The following APBB2 variants were observed in gnomAD, a reference collection of about 807,000 sequenced individuals.
APBB2 encodes Fe65-like 1.
A neutral mutation model predicts 82.5 loss-of-function variants in APBB2; 38 were observed. The observed-to-expected ratio is 0.46, with a 90% CI of 0.36 to 0.60. APBB2 has a LOEUF of 0.60. Among genes scored for constraint, APBB2 ranks in the 20% least tolerant of loss-of-function variants. The probability of loss-of-function intolerance (pLI) is 0.00; values close to 1 mark genes in which losing one functional copy is unlikely to be tolerated. For synonymous variants in APBB2, 341 were observed against 368.2 expected, an observed-to-expected ratio of 0.93 and a Z score of 0.85; for missense variants, 772 against 972.3, an observed-to-expected ratio of 0.79 and a Z score of 2.74.
At chr4:40,981,428 T>G (rs1798459214) in intron 6 of APBB2, among the ~76,000 whole-genome samples, 1 of 152,092 alleles carries the variant, frequency 6.6e-6, no homozygotes, top group Non-Finnish European at 1.5e-5. Flanking sequence ...GAATCCAGAA[T>G]GATGTAAAAT....
intron 6 of APBB2, among the ~76,000 whole-genome samples, chr4:40,964,242 G>A (rs144495127): frequency 6.6e-6 from 1 of 152,212 alleles, no homozygotes; most frequent in African/African-American, 2.4e-5. Context: ...TGGTCACCCT[G>A]GAAAAGCTTG....
chr4:41,060,669 T>C (rs1729489751), intron 4 of APBB2, among the ~76,000 whole-genome samples: 1 of 151,880 alleles, frequency 6.6e-6, no homozygotes, highest in Admixed American at 6.6e-5. Context: ...AAGAGGGAGA[T>C]TTAAGAGCTG....
At chr4:40,864,074 T>C (rs569610038) in intron 12 of APBB2, among the ~76,000 whole-genome samples, 18 of 152,002 alleles carry the variant, frequency 1.2e-4, no homozygotes, top group Admixed American at 6.6e-5. Context: ...CTAGCCAACA[T>C]AGTGAAACCC....
intron 1 of APBB2, among the ~76,000 whole-genome samples, chr4:41,151,070 C>A (rs557976851): frequency 9.7e-4 from 148 of 152,302 alleles, no homozygotes; most frequent in African/African-American, 3.4e-3. Context: ...AACATTCTAA[C>A]TCCATACTGC....
At chr4:40,900,756 CT>C (rs71988912) in intron 10 of APBB2, among the ~76,000 whole-genome samples, 525 of 130,030 alleles carry the variant, frequency 4.0e-3, no homozygotes, top group Admixed American at 6.6e-3. Flanking sequence ...TGAGCCCGGG[CT>C]TTTTTTTTTT....
intron 3 of APBB2, among the ~76,000 whole-genome samples, chr4:41,067,724 T>C (rs1228217486): frequency 6.6e-6 from 1 of 152,118 alleles, no homozygotes; most frequent in Non-Finnish European, 1.5e-5. Context: ...AAGAGATGAA[T>C]AAAGATAAAA....
At chr4:41,160,413 T>G (rs2154037996) in intron 1 of APBB2, among the ~76,000 whole-genome samples, 1 of 152,228 alleles carries the variant, frequency 6.6e-6, no homozygotes. Context: ...CGCAGGGAAA[T>G]TTTCTCTCCA....
At chr4:40,870,115 T>G (rs1205132118) in intron 12 of APBB2, among the ~76,000 whole-genome samples, 1 of 152,146 alleles carries the variant, frequency 6.6e-6, no homozygotes, top group Non-Finnish European at 1.5e-5. Flanking sequence ...TGAAATGAAA[T>G]AATCCTTCTA....
chr4:41,005,293 T>G (rs534790697), intron 6 of APBB2, among the ~76,000 whole-genome samples: 1 of 152,164 alleles, frequency 6.6e-6, no homozygotes, highest in Non-Finnish European at 1.5e-5. Context: ...TTTCACCATG[T>G]TGGCCAGGAT....
intron 12 of APBB2, among the ~76,000 whole-genome samples, chr4:40,861,349 CA>C (rs900849102): frequency 3.0e-4 from 43 of 143,888 alleles, no homozygotes; most frequent in Admixed American, 2.8e-4. Context: ...GACTCTGTCT[CA>C]AAAAAAAAAA....
At chr4:41,010,175 T>C (rs1390141305) in intron 6 of APBB2, among the ~76,000 whole-genome samples, 1 of 152,132 alleles carries the variant, frequency 6.6e-6, no homozygotes, top group Non-Finnish European at 1.5e-5. Context: ...GGTGCAGAGA[T>C]CCCAAGTGAA....
At chr4:40,929,165 T>C (rs866911582) in intron 10 of APBB2, among the ~76,000 whole-genome samples, 3 of 152,062 alleles carry the variant, frequency 2.0e-5, no homozygotes, top group Middle Eastern at 3.4e-3. Flanking sequence ...TTTGTAACTT[T>C]GCTGTAAATC....
chr4:41,118,372 C>T (rs1270663983), intron 2 of APBB2, among the ~76,000 whole-genome samples: 2 of 152,276 alleles, frequency 1.3e-5, no homozygotes, highest in South Asian at 2.1e-4. Context: ...GTCTTGACTT[C>T]AATTTCTAAG....
At chr4:40,820,363 T>A (rs1747423920) in intron 17 of APBB2, among the ~76,000 whole-genome samples, 2 of 152,196 alleles carry the variant, frequency 1.3e-5, no homozygotes, top group Non-Finnish European at 2.9e-5. Flanking sequence ...TGCTGGATAC[T>A]CGTCTAAAAT....
rs143426082 is a variant in APBB2, at chr4:41,012,685, T to C, written c.835+898A>G. On this transcript the variant is annotated intron_variant, in intron 6 of 17. Transcript: ENST00000508593. Reference sequence around the variant, plus strand: ...GTGATTTCCTTCCCTGGTGGTTCTATCTATTTTCTTTGTTATATCTATATT... The same window carrying C: ...GTGATTTCCTTCCCTGGTGGTTCTACCTATTTTCTTTGTTATATCTATATT... Among the ~76,000 whole-genome samples the C allele has an allele frequency of 2.8e-3, 420 of 152,324 alleles. 1 individual carries two copies. The highest frequency in any genetic ancestry group is 3.8e-3 in the Non-Finnish European group (258 of 68,022).
At chr4:40,922,531 A>G (rs543657457) in intron 10 of APBB2, among the ~76,000 whole-genome samples, 1 of 152,350 alleles carries the variant, frequency 6.6e-6, no homozygotes, top group South Asian at 2.1e-4. Context: ...GGGCCTCACA[A>G]TTGGATGAGA....
chr4:40,822,226 C>G, intron 16 of APBB2, 176 bp from the exon 17 acceptor site: 1 of 651,284 alleles, frequency 1.5e-6, no homozygotes, highest in Non-Finnish European at 2.6e-6. Context: ...CACTGCATGG[C>G]TACCCTGTTC....
intron 4 of APBB2, among the ~76,000 whole-genome samples, chr4:41,056,516 C>A (rs1197292862): frequency 6.6e-6 from 1 of 152,204 alleles, no homozygotes; most frequent in African/African-American, 2.4e-5. Context: ...TTCCCCTCCT[C>A]TAAACTGCTT....
chr4:41,148,642 G>A (rs1285347081), intron 1 of APBB2, among the ~76,000 whole-genome samples: 1 of 152,202 alleles, frequency 6.6e-6, no homozygotes, highest in African/African-American at 2.4e-5. Flanking sequence ...GAACATGCAG[G>A]CGGCACCTAA....
Sources: gnomAD v4.1 joint callset for allele counts (sites outside exome capture counted in the v4.1 genomes callset) on GRCh38, gnomAD v4.1.1 for gene constraint, MANE v1.5 for transcripts, NCBI Gene and HGNC (gene_info 2026-07-23, HGNC 2026-07-21) for gene names.